Variants in PAWR observed in about 807,000 individuals in gnomAD.
PAWR encodes the protein pro-apoptotic WT1 regulator.
PAWR carries 23 observed loss-of-function variants against 32.0 expected under a neutral mutation model. The ratio of observed to expected loss-of-function variants is 0.72; its 90% CI spans 0.52 to 1.02. The LOEUF is 1.02. PAWR is among the 50% of genes least tolerant of loss of function. PAWR has a pLI of 0.00. For missense variants in PAWR, 457 were observed against 437.7 expected, an observed-to-expected ratio of 1.04 and a Z score of -0.39; for synonymous variants, 226 against 187.1, an observed-to-expected ratio of 1.21 and a Z score of -1.70.
intron 2 of PAWR, among the ~76,000 whole-genome samples, chr12:79,630,453 C>T (rs1411070913): frequency 6.6e-6 from 1 of 152,076 alleles, no homozygotes; most frequent in East Asian, 1.9e-4. Context: ...GTGAGCACCA[C>T]TGCACTTGGC....
intron 2 of PAWR, among the ~76,000 whole-genome samples, chr12:79,638,719 T>G (rs1876088915): frequency 6.7e-6 from 1 of 150,280 alleles, no homozygotes; most frequent in African/African-American, 2.4e-5. Context: ...TCAGCCCCAC[T>G]CAGGGTTCAT....
Position 79,601,159 on chromosome 12 carries a change from CA to C in PAWR, c.684-4502del, listed in dbSNP as rs1873946504. On this transcript the variant is annotated intron_variant, in intron 4 of 6. Transcript: ENST00000328827. Reference sequence around the variant, plus strand: ...ATATGGCTAAAGCATGGAGTGTAAACATAAGAGTAATAAAATATGAGGCTGA... The same window carrying C: ...ATATGGCTAAAGCATGGAGTGTAAACTAAGAGTAATAAAATATGAGGCTGA... 2.1e-5 allele frequency among the ~76,000 whole-genome samples: 3 copies of C among 143,022 alleles called. No homozygotes were observed. In the East Asian group the frequency reaches 6.2e-4, roughly 29 times the overall value. The allele number at this position is 143,022 out of a possible 152,430, so 93.8% of individuals were successfully genotyped here.
At chr12:79,610,559 T>G (rs1874386574) in intron 4 of PAWR, among the ~76,000 whole-genome samples, 2 of 152,072 alleles carry the variant, frequency 1.3e-5, no homozygotes. Flanking sequence ...CAGAAATCAC[T>G]CAGTTGATAC....
intron 5 of PAWR, among the ~76,000 whole-genome samples, chr12:79,594,820 G>T (rs542957250): frequency 6.6e-6 from 1 of 152,044 alleles, no homozygotes; most frequent in Non-Finnish European, 1.5e-5. Context: ...GGGTTCAAGC[G>T]ATTCTCCTGC....
intron 2 of PAWR, among the ~76,000 whole-genome samples, chr12:79,688,900 G>A (rs964717766): frequency 2.0e-5 from 3 of 152,164 alleles, no homozygotes; most frequent in African/African-American, 7.2e-5. Flanking sequence ...AGATTGTTTT[G>A]TCTTGTTTCT....
intron 2 of PAWR, among the ~76,000 whole-genome samples, chr12:79,628,859 T>C (rs1269292609): frequency 6.6e-6 from 1 of 152,060 alleles, no homozygotes; most frequent in Non-Finnish European, 1.5e-5. Flanking sequence ...TGTATGGCAA[T>C]GGCACAAAGG....
At chr12:79,684,411 G>A (rs1455288415) in intron 2 of PAWR, among the ~76,000 whole-genome samples, 1 of 152,138 alleles carries the variant, frequency 6.6e-6, no homozygotes, top group Non-Finnish European at 1.5e-5. Context: ...GGAAGTTTGA[G>A]AGCAGCCTGG....
chr12:79,609,600 G>A (rs1245781321), intron 4 of PAWR, among the ~76,000 whole-genome samples: 1 of 152,076 alleles, frequency 6.6e-6, no homozygotes. Flanking sequence ...GAAGCAGTTT[G>A]ACTTCAGAGT....
At chr12:79,669,515 A>G (rs2136846896) in intron 2 of PAWR, among the ~76,000 whole-genome samples, 1 of 152,302 alleles carries the variant, frequency 6.6e-6, no homozygotes, top group South Asian at 2.1e-4. Flanking sequence ...TCTTCTAATA[A>G]CCATCTTAAA....
At chr12:79,640,798 G>A (rs1566014801) in intron 2 of PAWR, among the ~76,000 whole-genome samples, 1 of 152,142 alleles carries the variant, frequency 6.6e-6, no homozygotes, top group African/African-American at 2.4e-5. Flanking sequence ...ATGTAAAAGA[G>A]AAAGGACTTA....
Position 79,641,582 on chromosome 12 carries a change from C to T in PAWR, c.517-20375G>A, listed in dbSNP as rs147782362. On this transcript the variant is annotated intron_variant, in intron 2 of 6. Transcript: ENST00000328827. Reference sequence around the variant, plus strand: ...TCATATGATTGGCCAGGCGCGGTGGCTCACGCCTGTAATCCCAGCACTATG... The same window carrying T: ...TCATATGATTGGCCAGGCGCGGTGGTTCACGCCTGTAATCCCAGCACTATG... 4.1e-3 allele frequency among the ~76,000 whole-genome samples: 619 copies of T among 152,214 alleles called. 11 individuals are homozygous for T. Among genetic ancestry groups the T allele is most frequent in the African/African-American group, 0.014 (587 of 41,552 alleles).
intron 4 of PAWR, among the ~76,000 whole-genome samples, chr12:79,599,736 A>G (rs1460015055): frequency 3.3e-5 from 5 of 152,228 alleles, no homozygotes; most frequent in African/African-American, 1.2e-4. Flanking sequence ...ACATCAAGCT[A>G]TCATGGTGTT....
At chr12:79,635,940 G>A (rs1479345318) in intron 2 of PAWR, among the ~76,000 whole-genome samples, 8 of 152,058 alleles carry the variant, frequency 5.3e-5, no homozygotes, top group Non-Finnish European at 1.2e-4. Flanking sequence ...AGACTAGACT[G>A]ACTGGACTGT....
rs146499373 is a variant in PAWR at position 79,674,022 on chromosome 12, A to G, written c.516+15707T>C. 1.5e-3 allele frequency among the ~76,000 whole-genome samples: 224 copies of G among 152,312 alleles called. 1 individual carries two copies. The highest frequency in any genetic ancestry group is 2.6e-3 in the Non-Finnish European group (177 of 68,012). On this transcript the variant is annotated intron_variant, in intron 2 of 6. Coordinates refer to ENST00000328827, the MANE Select transcript of PAWR (RefSeq NM_002583.4). ...TAATGCTACTCCTAACAAGCTATCAATATCATTATTTGCAGAATTAGAAAA... is the reference window on the plus strand; with the variant it reads ...TAATGCTACTCCTAACAAGCTATCAGTATCATTATTTGCAGAATTAGAAAA...
intron 2 of PAWR, among the ~76,000 whole-genome samples, chr12:79,628,814 AT>A (rs1875468370): frequency 6.6e-6 from 1 of 152,144 alleles, no homozygotes; most frequent in South Asian, 2.1e-4. Context: ...TGATAATGAC[AT>A]TTTGTGATAT....
At chr12:79,611,619 CTTTT>C (rs1215164961) in intron 4 of PAWR, among the ~76,000 whole-genome samples, 1 of 151,508 alleles carries the variant, frequency 6.6e-6, no homozygotes, top group Non-Finnish European at 1.5e-5. Context: ...AAGTTTTTGT[CTTTT>C]TTTCTCTTTT....
intron 4 of PAWR, among the ~76,000 whole-genome samples, chr12:79,599,375 AC>A (rs1401756778): frequency 6.6e-6 from 1 of 152,220 alleles, no homozygotes; most frequent in Non-Finnish European, 1.5e-5. Context: ...TATAGCAAGA[AC>A]ACTGTTTAGT....
chr12:79,621,089 G>C lies in PAWR; in HGVS notation c.635C>G (p.Ser212Cys). 1.3e-6 allele frequency: 2 copies of C among 1,599,882 alleles called. No homozygotes were observed. Among genetic ancestry groups the C allele is most frequent in the Non-Finnish European group, 1.7e-6 (2 of 1,174,550 alleles). Reference sequence around the variant, plus strand: ...TTAAATACTCACCTGTAGCAGATAGGAACTGCCTGGATCTAGTAAGTTTAC... The same window carrying C: ...TTAAATACTCACCTGTAGCAGATAGCAACTGCCTGGATCTAGTAAGTTTAC... The part of the protein sequence containing the change: ...EAVNLLDPGS[S>C]YLLQEPPRTV... The change falls in exon 3 of 7, where the codon TCC becomes TGC. Residue 212 changes from serine to cysteine, a missense_variant. Transcript: ENST00000328827.
chr12:79,632,355 ATATATATTTT>A (rs1875740465), intron 2 of PAWR, among the ~76,000 whole-genome samples: 6 of 17,782 alleles, frequency 3.4e-4, no homozygotes, highest in South Asian at 2.6e-3. Flanking sequence ...ATATATATAT[ATATATATTTT>A]TTTTTTTTTT....
Sources: gnomAD v4.1 joint callset for allele counts (sites outside exome capture counted in the v4.1 genomes callset) on GRCh38, gnomAD v4.1.1 for gene constraint, MANE v1.5 for transcripts, NCBI Gene and HGNC (gene_info 2026-07-23, HGNC 2026-07-21) for gene names.